Variants in CEP85L observed in about 807,000 individuals in gnomAD.
CEP85L encodes the protein centrosomal protein 85L.
A neutral mutation model predicts 100.3 loss-of-function variants in CEP85L; 60 were observed. The ratio of observed to expected loss-of-function variants is 0.60; its 90% confidence interval spans 0.49 to 0.74. The LOEUF (loss-of-function observed/expected upper bound fraction) is 0.74. CEP85L is among the 30% of genes least tolerant of loss of function. CEP85L has a pLI of 0.00. For synonymous variants in CEP85L, 319 were observed against 322.7 expected (o/e 0.99, Z 0.12); for missense variants, 973 against 936.2 (o/e 1.04, Z -0.51).
chr6:118,520,014 G>C (rs1221044993), intron 4 of CEP85L, among the ~76,000 whole-genome samples: 1 of 152,112 alleles, frequency 6.6e-6, no homozygotes. Flanking sequence ...TTTTACATCT[G>C]AAAATTCATC....
chr6:118,471,143 A>G (rs544040953), intron 10 of CEP85L, among the ~76,000 whole-genome samples: 2 of 152,042 alleles, frequency 1.3e-5, no homozygotes, highest in Non-Finnish European at 2.9e-5. Context: ...AGCAGTGAAT[A>G]TACTGTGAAC....
intron 1 of CEP85L, among the ~76,000 whole-genome samples, chr6:118,657,821 A>G (rs1317203442): frequency 6.6e-6 from 1 of 152,238 alleles, no homozygotes; most frequent in African/African-American, 2.4e-5. Flanking sequence ...ACTGATGTCA[A>G]TAGGATTTTA....
intron 4 of CEP85L, among the ~76,000 whole-genome samples, chr6:118,517,028 A>T (rs185186090): frequency 0.46 from 69,941 of 151,442 alleles, 16,558 homozygotes; most frequent in Middle Eastern, 0.56. Context: ...GCTTGTTTTC[A>T]TCAGGTTTGT....
At chr6:118,641,819 T>G (rs1366533300) in intron 1 of CEP85L, among the ~76,000 whole-genome samples, 1 of 102,372 alleles carries the variant, frequency 9.8e-6, no homozygotes, top group Non-Finnish European at 2.2e-5. Context: ...CAACATTCCT[T>G]TTGCAAGAGA....
chr6:118,501,895 C>CA (rs1362283944), intron 5 of CEP85L: 2 of 1,180,378 alleles, frequency 1.7e-6, no homozygotes, highest in Non-Finnish European at 2.4e-6. Context: ...AAAAGAAAGA[C>CA]AAAGATATGC....
chr6:118,611,014 A>G (rs1315330278), intron 2 of CEP85L, among the ~76,000 whole-genome samples: 1 of 152,230 alleles, frequency 6.6e-6, no homozygotes, highest in Non-Finnish European at 1.5e-5. Context: ...AAAAGAATGA[A>G]GAATGACTAT....
Position 118,632,597 on chromosome 6 carries a change from A to G in CEP85L, c.88T>C (p.Ser30Pro). 6.2e-7 allele frequency: 1 copy of G among 1,610,054 alleles called. No homozygotes were observed. The highest frequency in any genetic ancestry group is 8.5e-7 in the Non-Finnish European group (1 of 1,178,684). The stretch of plus-strand genomic sequence containing the variant: ...GATTCATTAGCAGGTAGCCATGCTG[A>G]TGAATAATCTGGGCCTAAAAAGGGA... Reference protein sequence around the residue: ...RSFPAGPDYSSAWLPANESLW... With the variant: ...RSFPAGPDYSPAWLPANESLW... The change falls in exon 2 of 13, where the codon TCA becomes CCA. Residue 30 changes from serine (S) to proline (P), a missense_variant. Physicochemically the swap from Ser to Pro is moderately conservative, Grantham distance 74. This residue lies in a region of CEP85L where 79 missense variants were observed against 73.3 expected (regional missense o/e 1.08). Coordinates refer to ENST00000368491, the MANE Select transcript of CEP85L (RefSeq NM_001042475.3).
chr6:118,559,071 G>A lies in CEP85L; in HGVS notation c.1020+6458C>T. On this transcript the variant is annotated intron_variant, in intron 3 of 12. Coordinates refer to ENST00000368491, the MANE Select transcript of CEP85L (RefSeq NM_001042475.3). ...TCTTGCTGATCTGTATCATCGTGAT[G>A]CTTCTCTGAAGTTCTGCTACAACCT... 1 of 1,611,220 alleles carries A rather than the reference G, an allele frequency of 6.2e-7. No individual in the cohort carries two copies. The highest frequency in any genetic ancestry group is 8.5e-7 in the Non-Finnish European group (1 of 1,177,376).
At chr6:118,671,620 C>T (rs1776308086) in intron 1 of CEP85L, among the ~76,000 whole-genome samples, 1 of 152,112 alleles carries the variant, frequency 6.6e-6, no homozygotes, top group South Asian at 2.1e-4. Context: ...ACATTGGTAC[C>T]ATTTCGAATT....
At position 118,617,951 on chromosome 6, in the gene CEP85L, A is replaced by C. The variant is rs571975986; in HGVS notation, c.232+14502T>G. On this transcript the variant is annotated intron_variant, in intron 2 of 12. Coordinates refer to ENST00000368491, the MANE Select transcript of CEP85L (RefSeq NM_001042475.3). ...ACCTGTCAGCCAGTTAAAGGCGATTAGCAAGACCACTGGACTAAAAACACG... is the reference window on the plus strand; with the variant it reads ...ACCTGTCAGCCAGTTAAAGGCGATTCGCAAGACCACTGGACTAAAAACACG... Among the ~76,000 whole-genome samples the C allele has an allele frequency of 1.8e-4, 28 of 152,318 alleles. 2 individuals are homozygous for C. In the South Asian group the frequency reaches 3.1e-3, roughly 17 times the overall value.
chr6:118,709,217 A>G (rs1777699981), intron 1 of CEP85L, among the ~76,000 whole-genome samples: 1 of 152,136 alleles, frequency 6.6e-6, no homozygotes, highest in Non-Finnish European at 1.5e-5. Flanking sequence ...ACATTCCCCC[A>G]GTCTAAGTGC....
chr6:118,643,734 A>T (rs1307968619), intron 1 of CEP85L, among the ~76,000 whole-genome samples: 2 of 152,248 alleles, frequency 1.3e-5, no homozygotes, highest in African/African-American at 4.8e-5. Flanking sequence ...AGATTCTCAG[A>T]TCAGACAGAG....
intron 1 of CEP85L, among the ~76,000 whole-genome samples, chr6:118,636,168 C>T (rs1439114236): frequency 6.6e-6 from 1 of 152,156 alleles, no homozygotes; most frequent in African/African-American, 2.4e-5. Flanking sequence ...AACCTGGGGG[C>T]CAGTTTGCAG....
At chr6:118,518,779 A>G (rs989254476) in intron 4 of CEP85L, among the ~76,000 whole-genome samples, 14 of 152,040 alleles carry the variant, frequency 9.2e-5, no homozygotes, top group African/African-American at 3.4e-4. Flanking sequence ...CTAGCTTTTG[A>G]ATTTGTTCGC....
At chr6:118,482,236 G>A (rs1463600490) in intron 7 of CEP85L, among the ~76,000 whole-genome samples, 1 of 151,924 alleles carries the variant, frequency 6.6e-6, no homozygotes, top group Non-Finnish European at 1.5e-5. Context: ...ACTCTATACT[G>A]TCTTAACAAT....
At chr6:118,654,511 G>C (rs964459789), upstream of CEP85L, among the ~76,000 whole-genome samples, 5 of 152,146 alleles carry the variant, frequency 3.3e-5, no homozygotes, top group Non-Finnish European at 7.3e-5. Context: ...GACAATTCTT[G>C]TATATCAAGT....
At chr6:118,547,878 G>A (rs1203532720) in intron 3 of CEP85L, among the ~76,000 whole-genome samples, 1 of 152,040 alleles carries the variant, frequency 6.6e-6, no homozygotes, top group East Asian at 1.9e-4. Flanking sequence ...CTAACATTAT[G>A]AAGACACGTA....
At chr6:118,653,288 G>A (rs1347130894), upstream of CEP85L, among the ~76,000 whole-genome samples, 1 of 152,080 alleles carries the variant, frequency 6.6e-6, no homozygotes, top group African/African-American at 2.4e-5. Context: ...AAAACATGTT[G>A]CTCTTTTGGC....
At chr6:118,528,407 A>G (rs1412936946) in intron 3 of CEP85L, among the ~76,000 whole-genome samples, 1 of 152,164 alleles carries the variant, frequency 6.6e-6, no homozygotes, top group Non-Finnish European at 1.5e-5. Flanking sequence ...AGAATGTATT[A>G]TTCTGTGTTG....
Sources: allele counts gnomAD v4.1 joint callset (sites outside exome capture counted in the v4.1 genomes callset), GRCh38; gene constraint gnomAD v4.1.1; regional missense constraint gnomAD v4.1.1; transcripts MANE v1.5; gene names NCBI Gene and HGNC (gene_info 2026-07-23, HGNC 2026-07-21).